The following CCDC7 variants were observed in gnomAD, a reference collection of about 807,000 sequenced individuals.
CCDC7 encodes coiled-coil domain containing 7, also known as coiled-coil domain-containing protein 7.
In CCDC7, 183 loss-of-function variants were observed where a neutral mutation model predicts 196.9. The observed-to-expected ratio is 0.93, with a 90% CI of 0.82 to 1.05. The LOEUF is 1.05. Ranked by LOEUF, CCDC7 falls within the 50% of genes least tolerant of loss-of-function variation. The pLI is 0.00. For missense variants in CCDC7, 1,540 were observed against 1,482.2 expected, an observed-to-expected ratio of 1.04 and a Z score of -0.64; for synonymous variants, 525 against 484.6, an observed-to-expected ratio of 1.08 and a Z score of -1.10.
At chr10:32,487,194 C>G (rs2041287280) in intron 8 of CCDC7, among the ~76,000 whole-genome samples, 1 of 152,064 alleles carries the variant, frequency 6.6e-6, no homozygotes, top group Non-Finnish European at 1.5e-5. Flanking sequence ...TCTTTTTATT[C>G]TTTTTTCTCT....
At chr10:32,753,973 C>T (rs1345670549) in intron 28 of CCDC7, among the ~76,000 whole-genome samples, 1 of 151,762 alleles carries the variant, frequency 6.6e-6, no homozygotes, top group Non-Finnish European at 1.5e-5. Flanking sequence ...GAGAAAATCT[C>T]TTACTAATAT....
chr10:32,492,031 T>A, intron 9 of CCDC7, 34 bp downstream of exon 10: 1 of 1,493,844 alleles, frequency 6.7e-7, no homozygotes, highest in South Asian at 1.4e-5. Context: ...TTATTATTTT[T>A]CTATTTTTAA....
At chr10:32,821,451 C>T (rs959895108) in intron 31 of CCDC7, among the ~76,000 whole-genome samples, 1 of 152,108 alleles carries the variant, frequency 6.6e-6, no homozygotes, top group Admixed American at 6.6e-5. Flanking sequence ...ACCCAGCCAT[C>T]CCATTACTGG....
chr10:32,572,391 G>T (rs973447804), intron 16 of CCDC7, among the ~76,000 whole-genome samples: 1 of 151,946 alleles, frequency 6.6e-6, no homozygotes, highest in Non-Finnish European at 1.5e-5. Context: ...TATTATGATC[G>T]ACTCACAGAC....
At chr10:32,851,661 A>G in intron 39 of CCDC7, 146 bp from the exon 41 acceptor site, 1 of 693,464 alleles carries the variant, frequency 1.4e-6, no homozygotes. Context: ...ATTTTGTTGC[A>G]GTCTATGTAT....
intron 8 of CCDC7, among the ~76,000 whole-genome samples, chr10:32,479,587 G>T (rs2039596392): frequency 6.6e-6 from 1 of 152,074 alleles, no homozygotes; most frequent in Admixed American, 6.6e-5. Flanking sequence ...TTCTTTTAAT[G>T]TGCTGTCAAT....
chr10:32,756,402 G>A (rs892121815), intron 28 of CCDC7, among the ~76,000 whole-genome samples: 5 of 152,200 alleles, frequency 3.3e-5, no homozygotes, highest in African/African-American at 4.8e-5. Flanking sequence ...GACTAACAGC[G>A]GATCTCTCCG....
At chr10:32,549,293 G>A (rs966284686) in intron 13 of CCDC7, among the ~76,000 whole-genome samples, 8 of 151,918 alleles carry the variant, frequency 5.3e-5, no homozygotes, top group Non-Finnish European at 1.0e-4. Flanking sequence ...GTTTGAGTTC[G>A]TCATAGATAT....
chr10:32,812,836 TC>T (rs2087463699), intron 30 of CCDC7, among the ~76,000 whole-genome samples: 1 of 152,164 alleles, frequency 6.6e-6, no homozygotes, highest in South Asian at 2.1e-4. Context: ...AATGAACCCG[TC>T]CTTCTTTGAT....
chr10:32,516,558 G>T (rs781272911), intron 9 of CCDC7, among the ~76,000 whole-genome samples: 3 of 152,140 alleles, frequency 2.0e-5, no homozygotes, highest in Non-Finnish European at 4.4e-5. Context: ...AAAGTGCTGG[G>T]ATTACATGCA....
At chr10:32,455,901 A>G (rs2034227029) in intron 2 of CCDC7, among the ~76,000 whole-genome samples, 2 of 147,618 alleles carry the variant, frequency 1.4e-5, no homozygotes, top group African/African-American at 4.9e-5. Flanking sequence ...ACACCAAGAG[A>G]TTTTTTTTTT....
At chr10:32,784,649 G>A (rs2081549130) in intron 29 of CCDC7, among the ~76,000 whole-genome samples, 2 of 152,006 alleles carry the variant, frequency 1.3e-5, no homozygotes, top group African/African-American at 4.8e-5. Flanking sequence ...TCGGCTCACT[G>A]CAACCTTCGC....
intron 11 of CCDC7, among the ~76,000 whole-genome samples, chr10:32,531,377 G>T (rs941957425): frequency 1.3e-5 from 2 of 152,138 alleles, no homozygotes; most frequent in African/African-American, 4.8e-5. Context: ...TCCTACCTCA[G>T]CCTCCCAAAA....
rs1004293835 is a variant in CCDC7, at chr10:32,739,314, G to A, written c.2905+9857G>A. On this transcript the variant is annotated intron_variant, in intron 28 of 41. Transcript: ENST00000639629. The stretch of plus-strand genomic sequence containing the variant: ...ATTTTCCCAAAGATCTCGGTATTCT[G>A]TTTATTTTATTATTTTTTCTCTTTT... Among the ~76,000 whole-genome samples, 36 of 151,536 alleles carry A rather than the reference G, an allele frequency of 2.4e-4. 1 individual carries two copies. The highest frequency in any genetic ancestry group is 1.9e-3 in the Admixed American group (29 of 15,242).
intron 24 of CCDC7, among the ~76,000 whole-genome samples, chr10:32,700,021 G>A (rs2078403742): frequency 6.7e-6 from 1 of 149,332 alleles, no homozygotes; most frequent in Non-Finnish European, 1.5e-5. Flanking sequence ...TCACTCTGAT[G>A]GTAGTTTCTT....
intron 28 of CCDC7, among the ~76,000 whole-genome samples, chr10:32,753,209 A>C (rs2075924829): frequency 6.6e-6 from 1 of 152,172 alleles, no homozygotes; most frequent in Non-Finnish European, 1.5e-5. Context: ...ATTAAGAAAC[A>C]TAAAATTGCC....
chr10:32,466,880 C>G (rs185400317), intron 5 of CCDC7, among the ~76,000 whole-genome samples: 1 of 152,268 alleles, frequency 6.6e-6, no homozygotes, highest in East Asian at 1.9e-4. Context: ...CTAATTTATA[C>G]TCCCACCAAC....
intron 16 of CCDC7, among the ~76,000 whole-genome samples, chr10:32,578,361 G>A (rs933954765): frequency 2.0e-5 from 3 of 151,790 alleles, no homozygotes; most frequent in Admixed American, 1.3e-4. Flanking sequence ...GATGATTCAA[G>A]CACATTACCT....
chr10:32,607,781 A>C (rs2061688336), intron 18 of CCDC7, among the ~76,000 whole-genome samples: 1 of 152,024 alleles, frequency 6.6e-6, no homozygotes, highest in Non-Finnish European at 1.5e-5. Context: ...TTTGGCCTAT[A>C]GTTTTCTTTT....
Sources: allele counts gnomAD v4.1 joint callset (sites outside exome capture counted in the v4.1 genomes callset), GRCh38; gene constraint gnomAD v4.1.1; transcripts MANE v1.5; gene names NCBI Gene and HGNC (gene_info 2026-07-23, HGNC 2026-07-21).